ZNF665: variants seen among roughly 807,000 people sequenced by gnomAD.
ZNF665 encodes the protein zinc finger protein 665.
In ZNF665, 6 loss-of-function variants were observed where a neutral mutation model predicts 7.9. That is an observed-to-expected ratio of 0.76 (90% CI 0.42 to 1.50). ZNF665 has a LOEUF of 1.50. Ranked by LOEUF, ZNF665 falls within the 40% of genes most tolerant of loss-of-function variation. ZNF665 has a pLI of 0.01. For synonymous variants in ZNF665, 242 were observed against 274.5 expected, an observed-to-expected ratio of 0.88 and a Z score of 1.17; for missense variants, 819 against 806.7, an observed-to-expected ratio of 1.02 and a Z score of -0.18.
rs1236430470 is a variant in ZNF665, at chr19:53,188,829, C to T, written c.-46+4483G>A. ...TCTCCTGCCTCAGCCTCCCAAGTAA[C>T]TGGGATTAAAAGTGCACATCACCAC... is the stretch of plus-strand genomic sequence containing the variant. On this transcript the variant is annotated intron_variant, in intron 1 of 3. Coordinates refer to ENST00000396424, the MANE Select transcript of ZNF665 (RefSeq NM_024733.5). 2.6e-5 allele frequency among the ~76,000 whole-genome samples: 4 copies of T among 152,042 alleles called. No homozygotes were observed. In the South Asian group the frequency reaches 6.3e-4, roughly 24 times the overall value.
At chr19:53,178,953 A>G (rs2090717195) in intron 2 of ZNF665, among the ~76,000 whole-genome samples, 1 of 152,212 alleles carries the variant, frequency 6.6e-6, no homozygotes, top group Non-Finnish European at 1.5e-5. Context: ...ACAACAAACC[A>G]CTTCCTTTAT....
chr19:53,163,639 A>G lies in ZNF665; in HGVS notation c.*814T>C, dbSNP rs2090580140. The G allele has an allele frequency of 6.6e-6, 1 of 152,194 alleles. No homozygotes were observed. The highest frequency in any genetic ancestry group is 2.4e-5 in the African/African-American group (1 of 41,460). 9.4% of individuals were successfully genotyped at this position (152,194 alleles called of 1,614,324 possible). A position where few individuals can be genotyped will look rare whatever the true frequency, so the allele number is the denominator to read the frequency against. ...TGCAAAGTTCTGGTTGGAAGTTATA[A>G]ATAGTAGCCTTTTCAATAAATCTTA... is the stretch of plus-strand genomic sequence containing the variant. On this transcript the variant is annotated 3_prime_UTR_variant, in exon 4 of 4. Transcript: ENST00000396424.
chr19:53,170,483 C>A (rs1386649362), intron 3 of ZNF665, among the ~76,000 whole-genome samples: 2 of 152,188 alleles, frequency 1.3e-5, no homozygotes, highest in Non-Finnish European at 2.9e-5. Flanking sequence ...AACCAACGTT[C>A]TTCTTTCTAT....
chr19:53,166,009 T>C lies in ZNF665; in HGVS notation c.481A>G (p.Ile161Val). The C allele has an allele frequency of 6.2e-7, 1 of 1,613,936 alleles. No homozygotes were observed. Residue 161 changes from isoleucine to valine, a missense_variant, in exon 4 of 4, where the codon ATT (isoleucine) becomes GTT (valine). Transcript: ENST00000396424. ...ELQQFQHEGK[I>V]YEYNQVEKSP... ...TTCTCAACTTGATTGTATTCATAAATTTTCCCTTCATGTTGAAATTGCTGC... is the reference window on the plus strand; with the variant it reads ...TTCTCAACTTGATTGTATTCATAAACTTTCCCTTCATGTTGAAATTGCTGC...
At chr19:53,166,841 A>T (rs2090619177) in intron 3 of ZNF665, among the ~76,000 whole-genome samples, 2 of 152,180 alleles carry the variant, frequency 1.3e-5, no homozygotes, top group Admixed American at 1.3e-4. Context: ...ATTGGAAAAC[A>T]ATAATAGCAC....
rs1209259894 is a variant in ZNF665, at chr19:53,163,465, T to C, written c.*988A>G. ...TCCAAGTGCTCTCTAATTCAGACTA[T>C]ATTTAATTTTAAAAGGCAGAGTCTT... On this transcript the variant is annotated 3_prime_UTR_variant, in exon 4 of 4. Coordinates refer to ENST00000396424, the MANE Select transcript of ZNF665 (RefSeq NM_024733.5). 1.3e-5 allele frequency: 2 copies of C among 152,238 alleles called. No individual in the cohort carries two copies. The highest frequency in any genetic ancestry group is 4.8e-5 in the African/African-American group (2 of 41,468). The allele number at this position is 152,238 out of a possible 1,614,324, so 9.4% of individuals were successfully genotyped here.
Position 53,165,581 on chromosome 19 carries a change from TGAATTTTGA to T in ZNF665, c.900_908del (p.Gln301_Ser303del). 6.2e-7 allele frequency: 1 copy of T among 1,614,190 alleles called. No individual in the cohort carries two copies. The highest frequency in any genetic ancestry group is 2.2e-5 in the East Asian group (1 of 44,880). ...GAATTCTTCGATGACTTGCAAGGTGTGAATTTTGAGTGAAGCACTTGCCACATTCCTTAC... is the reference window on the plus strand; with the variant it reads ...GAATTCTTCGATGACTTGCAAGGTGTGTGAAGCACTTGCCACATTCCTTAC... On this transcript the variant is annotated inframe_deletion, in exon 4 of 4. Coordinates refer to ENST00000396424, the MANE Select transcript of ZNF665 (RefSeq NM_024733.5).
At chr19:53,172,030 A>T (rs1248547200) in intron 3 of ZNF665, among the ~76,000 whole-genome samples, 1 of 152,250 alleles carries the variant, frequency 6.6e-6, no homozygotes, top group Non-Finnish European at 1.5e-5. Context: ...CTGGGATTAC[A>T]GGTGTGAGCC....
intron 1 of ZNF665, among the ~76,000 whole-genome samples, chr19:53,183,921 C>G (rs774154092): frequency 6.6e-6 from 1 of 152,120 alleles, no homozygotes; most frequent in Non-Finnish European, 1.5e-5. Flanking sequence ...TCAGGGAGGG[C>G]TGAGGTCTTC....
chr19:53,190,778 A>C (rs1451972499), intron 1 of ZNF665, among the ~76,000 whole-genome samples: 2 of 152,160 alleles, frequency 1.3e-5, no homozygotes, highest in African/African-American at 2.4e-5. Context: ...TACTAAAAAC[A>C]CAAAAATTAT....
intron 3 of ZNF665, among the ~76,000 whole-genome samples, 182 bp downstream of exon 3, chr19:53,175,263 G>A (rs2090688058): frequency 6.6e-6 from 1 of 152,118 alleles, no homozygotes; most frequent in Admixed American, 6.6e-5. Flanking sequence ...CACAAAGTGG[G>A]CAGACCATCT....
chr19:53,171,524 A>ATATATATTTTTTTTTT (rs372855271), intron 3 of ZNF665, among the ~76,000 whole-genome samples: 1 of 69,316 alleles, frequency 1.4e-5, no homozygotes, highest in Admixed American at 2.2e-4. Context: ...ATATATATAT[A>ATATATATTTTTTTTTT]TTTTTTTTTT....
In ZNF665 at chr19:53,179,377, C is replaced by CA. The variant is rs35184690; in HGVS notation, c.15+3506dup. On this transcript the variant is annotated intron_variant, in intron 2 of 3. Transcript: ENST00000396424. ...GGTGACACAGAGCGAGATTCCGTCT[C>CA]AAAAAAAAAAAAAAAAAAAAAAGTG... Among the ~76,000 whole-genome samples, 207 of 70,290 alleles carry CA rather than the reference C, an allele frequency of 2.9e-3. 3 individuals are homozygous for CA. Among genetic ancestry groups the CA allele is most frequent in the Admixed American group, 3.5e-3 (18 of 5,180 alleles). 46.1% of individuals were successfully genotyped at this position (70,290 alleles called of 152,430 possible). A position where few individuals can be genotyped will look rare whatever the true frequency, so the allele number is the denominator to read the frequency against.
At chr19:53,169,008 G>C (rs1243082506) in intron 3 of ZNF665, among the ~76,000 whole-genome samples, 2 of 152,010 alleles carry the variant, frequency 1.3e-5, no homozygotes, top group African/African-American at 4.8e-5. Flanking sequence ...ACCAACATGA[G>C]GAAAAATCTG....
intron 1 of ZNF665, among the ~76,000 whole-genome samples, chr19:53,190,816 C>T (rs60883393): frequency 0.15 from 23,364 of 152,124 alleles, 2,490 homozygotes; most frequent in East Asian, 0.48. Flanking sequence ...CGCCTGTAAT[C>T]CCAGCTACTT....
chr19:53,182,759 G>T, intron 2 of ZNF665, 125 bp downstream of exon 2: 2 of 1,477,022 alleles, frequency 1.4e-6, no homozygotes, highest in Non-Finnish European at 1.9e-6. Flanking sequence ...CTGAGGGAAG[G>T]CACGAGTGAG....
intron 1 of ZNF665, among the ~76,000 whole-genome samples, chr19:53,184,767 G>A (rs141233321): frequency 6.6e-5 from 10 of 152,164 alleles, no homozygotes; most frequent in African/African-American, 2.2e-4. Context: ...CGTGGAGACC[G>A]GTAGTGGCCC....
chr19:53,165,401 C>G lies in ZNF665; in HGVS notation c.1089G>C (p.Lys363Asn). The G allele has an allele frequency of 6.2e-7, 1 of 1,613,430 alleles. No homozygotes were observed. The highest frequency in any genetic ancestry group is 8.5e-7 in the Non-Finnish European group (1 of 1,179,854). ...TCTCACCAGTATGAATTCGCCGATG[C>G]TTTGCAAGGTATGAATTGTGCCTGA... is the stretch of plus-strand genomic sequence containing the variant. ...KVFRHNSYLA[K>N]HRRIHTGEKP... Residue 363 changes from lysine (K) to asparagine (N), a missense_variant, in exon 4 of 4, where the codon AAG becomes AAC. Lys to Asn is a moderately conservative substitution (Grantham distance 94). Transcript: ENST00000396424.
intron 3 of ZNF665, among the ~76,000 whole-genome samples, chr19:53,170,218 T>C (rs925583657): frequency 2.0e-5 from 3 of 152,032 alleles, no homozygotes; most frequent in Admixed American, 1.3e-4. Context: ...TTTTTAATGA[T>C]TGCCATTCTA....
Sources: gnomAD v4.1 joint callset for allele counts (sites outside exome capture counted in the v4.1 genomes callset) on GRCh38, gnomAD v4.1.1 for gene constraint, MANE v1.5 for transcripts, NCBI Gene and HGNC (gene_info 2026-07-23, HGNC 2026-07-21) for gene names.